The following ANGPT4 variants were observed in gnomAD, a reference collection of about 807,000 sequenced individuals.
ANGPT4 encodes angiopoietin 4, also known as angiopoietin-4.
In ANGPT4, 50 loss-of-function variants were observed where a neutral mutation model predicts 53.0. That is an observed-to-expected ratio of 0.94 (90% CI 0.75 to 1.20). ANGPT4 has a LOEUF of 1.20. Among genes scored for constraint, ANGPT4 ranks in the 50% most tolerant of loss-of-function variants. The probability of loss-of-function intolerance (pLI) is 0.00; values close to 1 mark genes in which losing one functional copy is unlikely to be tolerated. For missense variants in ANGPT4, 648 were observed against 637.1 expected (o/e 1.02, Z -0.18); for synonymous variants, 251 against 259.7 (o/e 0.97, Z 0.32).
At position 890,313 on chromosome 20, in the gene ANGPT4, T is replaced by C; in HGVS notation, c.365A>G (p.Gln122Arg). 3 of 1,612,696 alleles carry C rather than the reference T, an allele frequency of 1.9e-6. No individual in the cohort carries two copies. Among genetic ancestry groups the C allele is most frequent in the Non-Finnish European group, 2.5e-6 (3 of 1,179,386 alleles). ...LRSKLEQVQQ[Q>R]MAQNQTAPML... ...GGGGGCCGTCTGATTCTGGGCCATT[T>C]GCTGCTGGACCTGCTCCAGCTTCGA... is the stretch of plus-strand genomic sequence containing the variant. The change falls in exon 2 of 9, where the codon CAA becomes CGA. Residue 122 changes from glutamine (Q) to arginine (R), a missense_variant. Transcript: ENST00000381922.
intron 1 of ANGPT4, among the ~76,000 whole-genome samples, chr20:893,092 T>A (rs576150467): frequency 6.6e-6 from 1 of 152,298 alleles, no homozygotes; most frequent in African/African-American, 2.4e-5. Flanking sequence ...ACTCTCTAGG[T>A]CAGGGGTCCT....
intron 1 of ANGPT4, among the ~76,000 whole-genome samples, chr20:892,962 C>T (rs1465540753): frequency 1.3e-5 from 2 of 152,154 alleles, no homozygotes; most frequent in African/African-American, 4.8e-5. Flanking sequence ...TGGACGACTT[C>T]CCCCCAATCC....
rs190275406 is a variant in ANGPT4 at position 870,177 on chromosome 20, A to T, written c.*2783T>A. On this transcript the variant is annotated 3_prime_UTR_variant, in exon 9 of 9. Coordinates refer to ENST00000381922, the MANE Select transcript of ANGPT4 (RefSeq NM_015985.4). The stretch of plus-strand genomic sequence containing the variant: ...TAGGGCTAGAATTTCTATCCCTTAT[A>T]CCTGAGTCCTGGCATGGAAGAGGAA... The T allele has an allele frequency of 6.6e-6, 1 of 152,220 alleles. No individual in the cohort carries two copies. Among genetic ancestry groups the T allele is most frequent in the Non-Finnish European group, 1.5e-5 (1 of 68,058 alleles). 9.4% of individuals were successfully genotyped at this position (152,220 alleles called of 1,614,324 possible).
chr20:876,734 T>C (rs882805), intron 7 of ANGPT4, among the ~76,000 whole-genome samples: 18,587 of 150,006 alleles, frequency 0.12, 1,297 homozygotes, highest in South Asian at 0.23. Flanking sequence ...CTCAGCATAG[T>C]GTTGTAGCTA....
intron 4 of ANGPT4, among the ~76,000 whole-genome samples, chr20:883,729 A>G (rs1446628556): frequency 6.6e-6 from 1 of 152,200 alleles, no homozygotes; most frequent in Non-Finnish European, 1.5e-5. Context: ...TCATCTGGGG[A>G]CTGGGTTACC....
At chr20:881,007 C>T (rs1301392969) in intron 5 of ANGPT4, among the ~76,000 whole-genome samples, 164 bp downstream of exon 5, 1 of 152,180 alleles carries the variant, frequency 6.6e-6, no homozygotes, top group African/African-American at 2.4e-5. Context: ...TCTGCTTATC[C>T]CCACAATCTG....
Position 916,008 on chromosome 20 carries a change from C to G in ANGPT4, c.207G>C (p.Gln69His). The part of the protein sequence containing the change: ...PEVSRDSNTL[Q>H]RESLANPLHL... ...GCAGTGGGTTGGCCAGTGATTCTCT[C>G]TGGAGGGTGTTGGAGTCCCTGGAGA... Residue 69 changes from glutamine to histidine, a missense_variant, in exon 1 of 9, where the codon CAG (glutamine) becomes CAC (histidine). Coordinates refer to ENST00000381922, the MANE Select transcript of ANGPT4 (RefSeq NM_015985.4). The G allele has an allele frequency of 1.9e-6, 3 of 1,614,078 alleles. No homozygotes were observed. The highest frequency in any genetic ancestry group is 2.5e-6 in the Non-Finnish European group (3 of 1,179,928).
chr20:894,848 G>A (rs966682585), intron 1 of ANGPT4, among the ~76,000 whole-genome samples: 23 of 152,220 alleles, frequency 1.5e-4, no homozygotes, highest in African/African-American at 5.3e-4. Flanking sequence ...CTGCAGAGCT[G>A]AGCTGGTGAT....
intron 1 of ANGPT4, among the ~76,000 whole-genome samples, chr20:902,796 A>T (rs1982337280): frequency 6.6e-6 from 1 of 152,180 alleles, no homozygotes; most frequent in African/African-American, 2.4e-5. Context: ...GGCCTGTCCC[A>T]CACAAGGTTC....
At chr20:904,553 T>G (rs1422742361) in intron 1 of ANGPT4, among the ~76,000 whole-genome samples, 1 of 152,220 alleles carries the variant, frequency 6.6e-6, no homozygotes, top group Non-Finnish European at 1.5e-5. Flanking sequence ...TCACTTAACA[T>G]TCCCACAAGT....
At chr20:882,487 G>A (rs1453344326) in intron 4 of ANGPT4, among the ~76,000 whole-genome samples, 1 of 151,158 alleles carries the variant, frequency 6.6e-6, no homozygotes, top group Non-Finnish European at 1.5e-5. Context: ...TGGATCTGGG[G>A]CACTTGTCCA....
intron 1 of ANGPT4, among the ~76,000 whole-genome samples, chr20:904,026 T>C (rs1982386919): frequency 6.6e-6 from 1 of 152,194 alleles, no homozygotes; most frequent in African/African-American, 2.4e-5. Flanking sequence ...TGCAGACGTA[T>C]GAAAATCTGG....
Position 884,327 on chromosome 20 carries a change from T to C in ANGPT4, c.835+751A>G, listed in dbSNP as rs535748571. ...TCAAAAACCATGTATTTCTTTCTCC[T>C]TCCCTTTGGGACCCGTAAACCAGGG... is the stretch of plus-strand genomic sequence containing the variant. On this transcript the variant is annotated intron_variant, in intron 4 of 8. Transcript: ENST00000381922. Among the ~76,000 whole-genome samples, 4 of 152,366 alleles carry C rather than the reference T, an allele frequency of 2.6e-5. No individual in the cohort carries two copies. In the East Asian group the frequency reaches 7.7e-4, roughly 29 times the overall value.
At chr20:888,982 C>CCAATCTCCTCCTGGT (rs1287054149) in intron 2 of ANGPT4, among the ~76,000 whole-genome samples, 3 of 152,218 alleles carry the variant, frequency 2.0e-5, no homozygotes, top group African/African-American at 7.2e-5. Context: ...TCCTTGCCTG[C>CCAATCTCCTCCTGGT]CACTCTCCTC....
rs752559232 is a variant in ANGPT4, at chr20:881,163, C to T, written c.951+8G>A. 3 of 1,568,970 alleles carry T rather than the reference C, an allele frequency of 1.9e-6. No individual in the cohort carries two copies. The highest frequency in any genetic ancestry group is 2.6e-6 in the Non-Finnish European group (3 of 1,157,632). ...CTAACAGCCACAGTTCCCAGGGAGC[C>T]CCCTAACCTTCCTGGGCTTCGTTGC... On this transcript the variant is annotated splice_region_variant and intron_variant, in intron 5 of 8. Coordinates refer to ENST00000381922, the MANE Select transcript of ANGPT4 (RefSeq NM_015985.4).
Position 879,831 on chromosome 20 carries a change from C to G in ANGPT4, c.969G>C (p.Gln323His). ...TKPRKVFCDLQSSGGRWTLIQ... is the reference protein window; with the variant it reads ...TKPRKVFCDLHSSGGRWTLIQ... ...TGAGGGTCCACCTGCCTCCACTGCT[C>G]TGCAGGTCACAGAACACCTGGAGGG... Residue 323 changes from glutamine (Q) to histidine (H), a missense_variant, in exon 6 of 9, where the codon CAG (glutamine) becomes CAC (histidine). Gln to His is a conservative substitution (Grantham distance 24, BLOSUM62 0). Coordinates refer to ENST00000381922, the MANE Select transcript of ANGPT4 (RefSeq NM_015985.4). 20 of 1,612,862 alleles carry G rather than the reference C, an allele frequency of 1.2e-5. No individual in the cohort carries two copies. The highest frequency in any genetic ancestry group is 1.6e-5 in the Non-Finnish European group (19 of 1,179,372).
intron 1 of ANGPT4, among the ~76,000 whole-genome samples, chr20:910,700 A>C (rs1056694386): frequency 3.3e-5 from 5 of 152,154 alleles, no homozygotes; most frequent in African/African-American, 4.8e-5. Flanking sequence ...GCCAGGGAGG[A>C]GAGAACTAGA....
At chr20:897,596 G>T (rs1302736642) in intron 1 of ANGPT4, among the ~76,000 whole-genome samples, 1 of 152,152 alleles carries the variant, frequency 6.6e-6, no homozygotes, top group East Asian at 1.9e-4. Context: ...CATTCCATTG[G>T]TGTCTGATCA....
chr20:906,891 G>A (rs1035516683), intron 1 of ANGPT4, among the ~76,000 whole-genome samples: 3 of 152,218 alleles, frequency 2.0e-5, no homozygotes, highest in East Asian at 1.9e-4. Context: ...GGGGACCAAC[G>A]GGCTCTCACG....
Sources: gnomAD v4.1 joint callset for allele counts (sites outside exome capture counted in the v4.1 genomes callset) on GRCh38, gnomAD v4.1.1 for gene constraint, MANE v1.5 for transcripts, NCBI Gene and HGNC (gene_info 2026-07-23, HGNC 2026-07-21) for gene names.